The following DLGAP2 variants were observed in gnomAD, a reference collection of about 807,000 sequenced individuals.
DLGAP2 encodes disks large-associated protein 2.
In DLGAP2, 26 loss-of-function variants were observed where a neutral mutation model predicts 100.3. The observed-to-expected ratio is 0.26, with a 90% confidence interval of 0.19 to 0.36. The LOEUF (loss-of-function observed/expected upper bound fraction) is 0.36, where lower values mean the gene tolerates loss of function less well. Ranked by LOEUF, DLGAP2 falls within the 10% of genes least tolerant of loss-of-function variation. The pLI, the probability that DLGAP2 is intolerant of heterozygous loss-of-function variation, is 1.00. For synonymous variants in DLGAP2, 886 were observed against 630.1 expected, an observed-to-expected ratio of 1.41 and a Z score of -6.08; for missense variants, 1,858 against 1,453.2, an observed-to-expected ratio of 1.28 and a Z score of -4.53.
chr8:1,293,157 C>G (rs372452796), intron 3 of DLGAP2, among the ~76,000 whole-genome samples: 4 of 152,174 alleles, frequency 2.6e-5, no homozygotes, highest in African/African-American at 4.8e-5. Context: ...CTGTCTCCCC[C>G]TCTCTCTCTG....
At chr8:1,164,142 G>GGACAGATTTTTCTGT (rs57057007) in intron 2 of DLGAP2, among the ~76,000 whole-genome samples, 1 of 28,522 alleles carries the variant, frequency 3.5e-5, no homozygotes, top group Non-Finnish European at 8.4e-5. Context: ...TGGTTTGTGG[G>GGACAGATTTTTCTGT]GATTTTTCTG....
At chr8:977,013 G>A (rs1212320114) in intron 2 of DLGAP2, among the ~76,000 whole-genome samples, 1 of 152,202 alleles carries the variant, frequency 6.6e-6, no homozygotes, top group Non-Finnish European at 1.5e-5. Context: ...CAGACTGGGA[G>A]AAAATATTTA....
intron 2 of DLGAP2, among the ~76,000 whole-genome samples, chr8:1,150,316 GT>G (rs1234636383): frequency 6.6e-6 from 1 of 152,128 alleles, no homozygotes; most frequent in Non-Finnish European, 1.5e-5. Flanking sequence ...TGCCTTCCCT[GT>G]TTTTATTAGG....
chr8:1,270,290 C>G (rs1286138560), intron 3 of DLGAP2, among the ~76,000 whole-genome samples: 1 of 152,152 alleles, frequency 6.6e-6, no homozygotes, highest in African/African-American at 2.4e-5. Context: ...TGCAGATGTC[C>G]TGGAGCAACA....
Position 1,465,728 on chromosome 8 carries a change from C to T in DLGAP2, c.107-35638C>T, listed in dbSNP as rs186588387. ...GAAATGGGACTGGAGAAAGTCGCTG[C>T]GCTCTGTGTTGCTAGCAGACCAAGG... On this transcript the variant is annotated intron_variant, in intron 3 of 14. Transcript: ENST00000637795. 3.5e-4 allele frequency among the ~76,000 whole-genome samples: 54 copies of T among 152,314 alleles called. 1 individual carries two copies. The East Asian group carries it at 8.5e-3, about 24-fold the overall frequency.
chr8:911,740 G>T (rs1424477282), intron 2 of DLGAP2, among the ~76,000 whole-genome samples: 1 of 151,866 alleles, frequency 6.6e-6, no homozygotes, highest in African/African-American at 2.4e-5. Flanking sequence ...ATGTTGGAAG[G>T]ATGCTGGAGA....
Position 1,651,028 on chromosome 8 carries a change from G to A in DLGAP2, c.1811-17301G>A, listed in dbSNP as rs57857745. ...ACCACCAAGAAAACCCCTGCTCAGC[G>A]GAATTTTGGGATTACATGGGGAATA... On this transcript the variant is annotated intron_variant, in intron 8 of 14. Coordinates refer to ENST00000637795, the MANE Select transcript of DLGAP2 (RefSeq NM_001346810.2). Among the ~76,000 whole-genome samples the A allele has an allele frequency of 4.7e-3, 708 of 152,158 alleles. 5 individuals are homozygous for A. The highest frequency in any genetic ancestry group is 0.016 in the African/African-American group (680 of 41,520).
intron 2 of DLGAP2, among the ~76,000 whole-genome samples, chr8:1,144,094 A>T (rs890101877): frequency 6.6e-6 from 1 of 152,202 alleles, no homozygotes; most frequent in Admixed American, 6.5e-5. Context: ...TGTGCTCAGA[A>T]TGTGAGGAAT....
chr8:1,358,604 AAG>A (rs1801907946), intron 3 of DLGAP2, among the ~76,000 whole-genome samples: 1 of 152,196 alleles, frequency 6.6e-6, no homozygotes, highest in South Asian at 2.1e-4. Context: ...CCTGCAGTGA[AAG>A]CAGCGTTTGG....
chr8:1,329,447 A>G (rs76209777), intron 3 of DLGAP2, among the ~76,000 whole-genome samples: 9,264 of 152,262 alleles, frequency 0.061, 364 homozygotes, highest in Middle Eastern at 0.12. Flanking sequence ...CCAAAATATT[A>G]TTTTTATGAT....
At position 865,027 on chromosome 8, in the gene DLGAP2, C is replaced by G. The variant is rs1054039729; in HGVS notation, c.19-42885C>G. On this transcript the variant is annotated intron_variant, in intron 1 of 14. Transcript: ENST00000637795. ...TCTGAATCTTTTCTAGATGGAGTAA[C>G]CTTGTTTCCATTCTCAGATTTGGAA... Among the ~76,000 whole-genome samples the G allele has an allele frequency of 2.6e-5, 4 of 152,248 alleles. No individual in the cohort carries two copies. The South Asian group carries it at 8.3e-4, about 32-fold the overall frequency.
At chr8:1,653,025 T>G (rs1014300098) in intron 8 of DLGAP2, among the ~76,000 whole-genome samples, 2 of 152,190 alleles carry the variant, frequency 1.3e-5, no homozygotes, top group African/African-American at 4.8e-5. Context: ...TTTCTCTATT[T>G]TGTTAGAAGC....
At chr8:1,457,011 C>T (rs980926426) in intron 3 of DLGAP2, among the ~76,000 whole-genome samples, 3 of 152,246 alleles carry the variant, frequency 2.0e-5, no homozygotes, top group Admixed American at 2.0e-4. Flanking sequence ...GTTCAGAGGG[C>T]TGCTTGGCTC....
chr8:754,843 AAAG>A (rs563945223), intron 1 of DLGAP2, among the ~76,000 whole-genome samples: 38 of 152,320 alleles, frequency 2.5e-4, no homozygotes, highest in African/African-American at 8.7e-4. Context: ...TGTCTCTAAA[AAAG>A]AAAGAAAAAA....
intron 3 of DLGAP2, among the ~76,000 whole-genome samples, chr8:1,325,022 A>G (rs564229541): frequency 4.8e-4 from 73 of 152,202 alleles, no homozygotes; most frequent in Non-Finnish European, 7.3e-4. Flanking sequence ...AGGCCAGATC[A>G]TTCTCTCAGT....
chr8:1,253,264 G>C (rs1333435563), intron 2 of DLGAP2, among the ~76,000 whole-genome samples: 1 of 152,202 alleles, frequency 6.6e-6, no homozygotes, highest in East Asian at 1.9e-4. Flanking sequence ...CAGCCGCTGG[G>C]TGGTTCCTGT....
chr8:1,185,918 C>G (rs944899561), intron 2 of DLGAP2, among the ~76,000 whole-genome samples: 5 of 152,156 alleles, frequency 3.3e-5, no homozygotes, highest in African/African-American at 1.2e-4. Context: ...TCCCTTCTGC[C>G]AAGGACTTCT....
intron 3 of DLGAP2, among the ~76,000 whole-genome samples, chr8:1,469,236 C>T (rs1256705662): frequency 6.6e-6 from 1 of 152,232 alleles, no homozygotes; most frequent in Non-Finnish European, 1.5e-5. Flanking sequence ...TGAAGGGTGG[C>T]TGTGGCCAGC....
intron 2 of DLGAP2, among the ~76,000 whole-genome samples, 172 bp from the exon 3 acceptor site, chr8:1,258,679 G>T (rs1195491693): frequency 6.6e-6 from 1 of 152,188 alleles, no homozygotes; most frequent in African/African-American, 2.4e-5. Flanking sequence ...AGTAAAAGTT[G>T]CTGGCGTGCA....
Sources: allele counts gnomAD v4.1 joint callset (sites outside exome capture counted in the v4.1 genomes callset), GRCh38; gene constraint gnomAD v4.1.1; transcripts MANE v1.5; gene names NCBI Gene and HGNC (gene_info 2026-07-23, HGNC 2026-07-21).